The following PTPRN2 variants were observed in gnomAD, a reference collection of about 807,000 sequenced individuals.
The protein encoded by PTPRN2 is receptor-type tyrosine-protein phosphatase N2.
Under a neutral mutation model 118.8 loss-of-function variants are expected in PTPRN2, and 74 were observed. The ratio of observed to expected loss-of-function variants is 0.62; its 90% CI spans 0.52 to 0.76. The LOEUF is 0.76. PTPRN2 is among the 30% of genes least tolerant of loss of function. The probability of loss-of-function intolerance (pLI) is 0.00; values close to 1 mark genes in which losing one functional copy is unlikely to be tolerated. For missense variants in PTPRN2, 1,481 were observed against 1,394.4 expected (o/e 1.06, Z -0.99); for synonymous variants, 641 against 608.0 (o/e 1.05, Z -0.80).
intron 2 of PTPRN2, among the ~76,000 whole-genome samples, chr7:158,398,968 A>T (rs1563244811): frequency 6.6e-6 from 1 of 151,950 alleles, no homozygotes. Flanking sequence ...ACTAGTATTA[A>T]TTTTTTTTCT....
At chr7:157,991,232 C>T (rs964910971) in intron 11 of PTPRN2, among the ~76,000 whole-genome samples, 3 of 152,198 alleles carry the variant, frequency 2.0e-5, no homozygotes, top group South Asian at 2.1e-4. Context: ...TGATGGGAGT[C>T]GCAATCCCAT....
At chr7:157,899,597 T>C (rs976630606) in intron 11 of PTPRN2, among the ~76,000 whole-genome samples, 1 of 152,178 alleles carries the variant, frequency 6.6e-6, no homozygotes, top group Non-Finnish European at 1.5e-5. Context: ...CAGGATGAGA[T>C]AGCAGGAAAA....
chr7:158,482,807 T>C (rs28550967), intron 2 of PTPRN2, among the ~76,000 whole-genome samples: 29,315 of 152,190 alleles, frequency 0.19, 3,317 homozygotes, highest in East Asian at 0.41. Flanking sequence ...AGCACACTTT[T>C]GGGAATTGAT....
intron 12 of PTPRN2, among the ~76,000 whole-genome samples, chr7:157,871,571 G>A (rs2151261231): frequency 6.6e-6 from 1 of 152,170 alleles, no homozygotes; most frequent in South Asian, 2.1e-4. Flanking sequence ...GGCCCCTGAA[G>A]AGCAACCGGG....
intron 12 of PTPRN2, among the ~76,000 whole-genome samples, chr7:157,872,006 A>T (rs1811082554): frequency 2.2e-5 from 1 of 46,434 alleles, no homozygotes; most frequent in Non-Finnish European, 4.5e-5. Flanking sequence ...ACACACACAT[A>T]CCCAGTGTCC....
At chr7:157,769,262 G>A (rs909232417) in intron 12 of PTPRN2, among the ~76,000 whole-genome samples, 16 of 152,236 alleles carry the variant, frequency 1.1e-4, no homozygotes, top group East Asian at 7.7e-4. Flanking sequence ...CACTCCCGAC[G>A]GCATCCAGGC....
At position 157,574,756 on chromosome 7, in the gene PTPRN2, C is replaced by T. The variant is rs1436932790; in HGVS notation, c.2783+1857G>A. 3.9e-5 allele frequency among the ~76,000 whole-genome samples: 6 copies of T among 152,230 alleles called. No homozygotes were observed. The East Asian group carries it at 1.2e-3, about 29-fold the overall frequency. On this transcript the variant is annotated intron_variant, in intron 19 of 22. Coordinates refer to ENST00000389418, the MANE Select transcript of PTPRN2 (RefSeq NM_002847.5). ...TGTCTTCAGAAGGGGTCTCACCTTT[C>T]CTGTCGCTGAAATCGGGGTGGCTAT...
At chr7:157,747,345 G>GA (rs1801033699) in intron 12 of PTPRN2, among the ~76,000 whole-genome samples, 1 of 143,802 alleles carries the variant, frequency 7.0e-6, no homozygotes. Context: ...CTGAGCTGTG[G>GA]GGTGTCCGGG....
chr7:157,722,223 G>A (rs74911664), intron 12 of PTPRN2, among the ~76,000 whole-genome samples: 1,871 of 152,358 alleles, frequency 0.012, 32 homozygotes, highest in East Asian at 0.039. Context: ...AGACGGGTGA[G>A]ACCACGTGTG....
rs550627666 is a variant in PTPRN2, at chr7:157,558,417, C to T, written c.2903-9398G>A. Among the ~76,000 whole-genome samples the T allele has an allele frequency of 2.7e-4, 41 of 152,374 alleles. No homozygotes were observed. In the South Asian group the frequency reaches 4.3e-3, roughly 16 times the overall value. On this transcript the variant is annotated intron_variant, in intron 21 of 22. Coordinates refer to ENST00000389418, the MANE Select transcript of PTPRN2 (RefSeq NM_002847.5). ...ACACACACCCACATGGGGGCCTCCA[C>T]GATGTGGCTAGGTCCTCAACACCTA...
chr7:158,475,486 C>T (rs1158159915), intron 2 of PTPRN2, among the ~76,000 whole-genome samples: 1 of 152,166 alleles, frequency 6.6e-6, no homozygotes, highest in East Asian at 1.9e-4. Context: ...GCCAGCCGTG[C>T]ACCAGGGACA....
chr7:157,898,119 G>C (rs1333664816), intron 12 of PTPRN2, among the ~76,000 whole-genome samples: 1 of 151,940 alleles, frequency 6.6e-6, no homozygotes, highest in Non-Finnish European at 1.5e-5. Context: ...ACACACAGGG[G>C]CTTGACAGAT....
intron 11 of PTPRN2, among the ~76,000 whole-genome samples, chr7:158,007,256 G>A (rs1008612202): frequency 3.3e-5 from 5 of 152,204 alleles, no homozygotes; most frequent in East Asian, 3.9e-4. Context: ...GGGAACACAC[G>A]TCAGCCCATC....
rs765734282 is a variant in PTPRN2, at chr7:157,613,405, G to A, written c.2344+7957C>T. Reference sequence around the variant, plus strand: ...GACACGGGCGGAGGCGGGTCCGGGCGGGCCCCACGTCGCGCAGCCTCAGCG... The same window carrying A: ...GACACGGGCGGAGGCGGGTCCGGGCAGGCCCCACGTCGCGCAGCCTCAGCG... On this transcript the variant is annotated intron_variant, in intron 15 of 22. Transcript: ENST00000389418. 4.7e-4 allele frequency among the ~76,000 whole-genome samples: 72 copies of A among 152,216 alleles called. 1 individual carries two copies. Among genetic ancestry groups the A allele is most frequent in the Non-Finnish European group, 6.9e-4 (47 of 68,036 alleles).
chr7:158,163,981 TA>T (rs1822631004), intron 6 of PTPRN2, among the ~76,000 whole-genome samples: 1 of 152,258 alleles, frequency 6.6e-6, no homozygotes. Flanking sequence ...GAGGCTTTTC[TA>T]AAGCGCACAG....
At chr7:158,289,908 G>A (rs774016649) in intron 3 of PTPRN2, among the ~76,000 whole-genome samples, 4 of 152,180 alleles carry the variant, frequency 2.6e-5, no homozygotes, top group Non-Finnish European at 4.4e-5. Context: ...GGGTCCTCAC[G>A]CAGGCTGGTC....
chr7:157,568,319 C>T (rs953854843), intron 21 of PTPRN2, among the ~76,000 whole-genome samples: 2 of 152,194 alleles, frequency 1.3e-5, no homozygotes, highest in African/African-American at 2.4e-5. Context: ...CTCCCCACAC[C>T]GTCTCTGAGA....
chr7:158,565,731 C>A lies in PTPRN2; in HGVS notation c.112+21827G>T, dbSNP rs1291675208. 2.6e-5 allele frequency among the ~76,000 whole-genome samples: 4 copies of A among 152,142 alleles called. No individual in the cohort carries two copies. Among genetic ancestry groups the A allele is most frequent in the African/African-American group, 4.8e-5 (2 of 41,422 alleles). On this transcript the variant is annotated intron_variant, in intron 1 of 22. Coordinates refer to ENST00000389418, the MANE Select transcript of PTPRN2 (RefSeq NM_002847.5). The surrounding 1 kb of genome is among the most constrained non-coding windows in gnomAD (Gnocchi z 4.6). ...GACATAGAAACCATCTCATGCAAGC[C>A]CCCCAGGAACCCTGGAGGCAGGCAC...
intron 14 of PTPRN2, among the ~76,000 whole-genome samples, chr7:157,630,071 CA>C (rs1281672138): frequency 6.6e-6 from 1 of 152,078 alleles, no homozygotes; most frequent in African/African-American, 2.4e-5. Flanking sequence ...AAAAGTAGGA[CA>C]ATTGAATTCC....
Sources: allele counts gnomAD v4.1 joint callset (sites outside exome capture counted in the v4.1 genomes callset), GRCh38; gene constraint gnomAD v4.1.1; non-coding constraint Gnocchi (gnomAD v3.1); transcripts MANE v1.5; gene names NCBI Gene and HGNC (gene_info 2026-07-23, HGNC 2026-07-21).